Variants in SLC2A14 observed in about 807,000 individuals in gnomAD.
SLC2A14 encodes the protein solute carrier family 2, facilitated glucose transporter member 14.
A neutral mutation model predicts 43.0 loss-of-function variants in SLC2A14; 13 were observed. The ratio of observed to expected loss-of-function variants is 0.30; its 90% CI spans 0.20 to 0.48. The LOEUF (loss-of-function observed/expected upper bound fraction) is 0.48, where lower values mean the gene tolerates loss of function less well. Among genes scored for constraint, SLC2A14 ranks in the 20% least tolerant of loss-of-function variants. SLC2A14 has a pLI of 0.99. For synonymous variants in SLC2A14, 190 were observed against 233.8 expected (o/e 0.81, Z 1.71); for missense variants, 428 against 620.4 (o/e 0.69, Z 3.29).
chr12:7,867,149 G>A (rs1944957622), intron 2 of SLC2A14, among the ~76,000 whole-genome samples: 1 of 151,858 alleles, frequency 6.6e-6, no homozygotes, highest in Non-Finnish European at 1.5e-5. Context: ...CGTGGTGGCG[G>A]GGGCCTGTAG....
At chr12:7,833,578 C>G (rs1475364174) in intron 2 of SLC2A14, among the ~76,000 whole-genome samples, 2 of 152,056 alleles carry the variant, frequency 1.3e-5, no homozygotes, top group Non-Finnish European at 1.5e-5. Context: ...ATCAGGAGTT[C>G]GAGACCAGCC....
intron 1 of SLC2A14, among the ~76,000 whole-genome samples, chr12:7,888,797 CAAAAAAAA>C: frequency 9.6e-6 from 1 of 104,338 alleles, no homozygotes; most frequent in African/African-American, 3.7e-5. Flanking sequence ...GACTCCGTCT[CAAAAAAAA>C]AAAAAAAAAA....
At chr12:7,829,598 C>T (rs923293162) in intron 5 of SLC2A14, among the ~76,000 whole-genome samples, 168 bp downstream of exon 5, 7 of 151,974 alleles carry the variant, frequency 4.6e-5, no homozygotes, top group Admixed American at 3.3e-4. Context: ...AGAAATTGTG[C>T]TTCTTTTCCT....
At chr12:7,874,551 A>G (rs370802847), upstream of SLC2A14, among the ~76,000 whole-genome samples, 6 of 151,716 alleles carry the variant, frequency 4.0e-5, no homozygotes, top group Admixed American at 1.3e-4. Context: ...ATGCGCCTGT[A>G]ATCCCAGCTA....
chr12:7,871,845 C>A (rs10846083), intron 1 of SLC2A14: 114,194 of 956,522 alleles, frequency 0.12, 7,278 homozygotes, highest in East Asian at 0.35. Flanking sequence ...CTCCCCTACA[C>A]CCTGTTGAGA....
intron 9 of SLC2A14, 59 bp from the exon 10 acceptor site, chr12:7,818,093 G>A (rs1863632913): frequency 6.6e-7 from 1 of 1,522,080 alleles, no homozygotes. Context: ...CAGGATCTAG[G>A]TTCCCAGAGG....
At chr12:7,868,995 T>C (rs764188514) in intron 2 of SLC2A14, among the ~76,000 whole-genome samples, 1 of 152,082 alleles carries the variant, frequency 6.6e-6, no homozygotes, top group South Asian at 2.1e-4. Context: ...AAATACAAAA[T>C]TAGCCGGGCA....
chr12:7,861,621 G>A (rs1313051669), intron 2 of SLC2A14, among the ~76,000 whole-genome samples: 2 of 151,902 alleles, frequency 1.3e-5, no homozygotes, highest in Non-Finnish European at 2.9e-5. Context: ...CCCTTCACTT[G>A]TCCCGAAAAC....
chr12:7,833,611 T>C (rs770747474), intron 2 of SLC2A14, among the ~76,000 whole-genome samples: 33 of 151,952 alleles, frequency 2.2e-4, no homozygotes, highest in Non-Finnish European at 4.4e-4. Context: ...TGAAACCCCA[T>C]CTCTACTAAA....
upstream of SLC2A14, chr12:7,872,949 G>C: frequency 3.0e-6 from 3 of 985,450 alleles, no homozygotes; most frequent in South Asian, 1.4e-4. Context: ...ACTTTGAATG[G>C]TCCGTTAATG....
At position 7,844,482 on chromosome 12, in the gene SLC2A14, T is replaced by A. The variant is rs540297095; in HGVS notation, c.19-11668A>T. ...AATTCTTTTCTCTCGATTGTATACTTGTTGTATGCTTAGGAATGAGATTGC... is the reference window on the plus strand; with the variant it reads ...AATTCTTTTCTCTCGATTGTATACTAGTTGTATGCTTAGGAATGAGATTGC... On this transcript the variant is annotated intron_variant, in intron 2 of 10. Coordinates refer to ENST00000431042, the MANE Select transcript of SLC2A14 (RefSeq NM_001286234.2). Among the ~76,000 whole-genome samples, 5 of 152,216 alleles carry A rather than the reference T, an allele frequency of 3.3e-5. 1 individual carries two copies. In the East Asian group the frequency reaches 5.8e-4, roughly 18 times the overall value.
intron 2 of SLC2A14, among the ~76,000 whole-genome samples, chr12:7,835,376 C>A: frequency 6.6e-6 from 1 of 152,262 alleles, no homozygotes; most frequent in East Asian, 1.9e-4. Flanking sequence ...GCCAGCGAGA[C>A]TGTCTCAAAC....
intron 2 of SLC2A14, among the ~76,000 whole-genome samples, chr12:7,865,308 T>G (rs188469168): frequency 6.6e-6 from 1 of 151,958 alleles, no homozygotes; most frequent in African/African-American, 2.4e-5. Flanking sequence ...GAGGCCAAGG[T>G]GGGCGGATCA....
intron 6 of SLC2A14, 107 bp from the exon 7 acceptor site, chr12:7,827,789 G>C (rs1302221228): frequency 6.6e-7 from 1 of 1,518,366 alleles, no homozygotes; most frequent in Non-Finnish European, 8.8e-7. Context: ...GTGATGGGTA[G>C]CATCCATTCC....
intron 2 of SLC2A14, among the ~76,000 whole-genome samples, chr12:7,837,312 A>T (rs1865538571): frequency 1.3e-5 from 2 of 152,350 alleles, no homozygotes; most frequent in South Asian, 2.1e-4. Flanking sequence ...AAGATATTTT[A>T]AAAACTGTAA....
intron 10 of SLC2A14, among the ~76,000 whole-genome samples, 157 bp downstream of exon 10, chr12:7,817,674 G>T (rs1863571899): frequency 6.6e-6 from 1 of 152,070 alleles, no homozygotes; most frequent in East Asian, 1.9e-4. Context: ...GGCTGAGGCA[G>T]AAGAATCGCT....
At chr12:7,863,142 G>A (rs1944685719) in intron 2 of SLC2A14, among the ~76,000 whole-genome samples, 1 of 152,072 alleles carries the variant, frequency 6.6e-6, no homozygotes, top group Non-Finnish European at 1.5e-5. Flanking sequence ...TCACCGCAAA[G>A]GTCTGCAGCT....
intron 2 of SLC2A14, among the ~76,000 whole-genome samples, chr12:7,848,502 T>G (rs189704528): frequency 4.6e-5 from 7 of 151,968 alleles, no homozygotes; most frequent in African/African-American, 1.4e-4. Context: ...CTCTATTACC[T>G]AGTCATCCTT....
At chr12:7,875,029 AC>A (rs1334397955), upstream of SLC2A14, among the ~76,000 whole-genome samples, 1 of 114,782 alleles carries the variant, frequency 8.7e-6, no homozygotes, top group African/African-American at 3.6e-5. Context: ...ATATATAAAT[AC>A]ATATATAAAT....
Sources: gnomAD v4.1 joint callset for allele counts (sites outside exome capture counted in the v4.1 genomes callset) on GRCh38, gnomAD v4.1.1 for gene constraint, MANE v1.5 for transcripts, NCBI Gene and HGNC (gene_info 2026-07-23, HGNC 2026-07-21) for gene names.